The following ARB2A variants were observed in gnomAD, a reference collection of about 807,000 sequenced individuals.
ARB2A encodes ARB2 cotranscriptional regulator A.
At chr5:94,023,942 A>G in the ARB2A span, among the ~76,000 whole-genome samples, 1 of 152,182 alleles carries the variant, frequency 6.6e-6, no homozygotes, top group African/African-American at 2.4e-5. Flanking sequence ...ATAAGACAAG[A>G]TAGAAAGAAA....
At chr5:93,703,912 C>T in the ARB2A span, among the ~76,000 whole-genome samples, 1 of 152,198 alleles carries the variant, frequency 6.6e-6, no homozygotes, top group Non-Finnish European at 1.5e-5. Context: ...AGCACCCTAT[C>T]AGCAGCTCTG....
chr5:93,892,474 TTC>T, the ARB2A span, among the ~76,000 whole-genome samples: 8 of 152,188 alleles, frequency 5.3e-5, no homozygotes, highest in Non-Finnish European at 1.0e-4. Flanking sequence ...TTAATACAAT[TTC>T]TTTTTATAAG....
chr5:93,799,256 T>A, the ARB2A span, among the ~76,000 whole-genome samples: 16 of 152,234 alleles, frequency 1.1e-4, no homozygotes, highest in African/African-American at 3.9e-4. Context: ...GATAATAATT[T>A]ATTTCAATCA....
the ARB2A span, among the ~76,000 whole-genome samples, chr5:93,880,010 G>C: frequency 6.6e-6 from 1 of 151,824 alleles, no homozygotes; most frequent in South Asian, 2.1e-4. Flanking sequence ...AACTGATAGA[G>C]AAGATGGTAA....
the ARB2A span, among the ~76,000 whole-genome samples, chr5:94,090,856 G>C: frequency 6.6e-6 from 1 of 152,134 alleles, no homozygotes; most frequent in Non-Finnish European, 1.5e-5. Context: ...AACCAGCCTT[G>C]CATCCCATAT....
chr5:93,746,702 G>C, the ARB2A span, among the ~76,000 whole-genome samples: 5 of 146,504 alleles, frequency 3.4e-5, no homozygotes, highest in Non-Finnish European at 6.2e-5. Flanking sequence ...TTGCAAATCT[G>C]AGATATTCAT....
chr5:93,689,950 G>A, the ARB2A span, among the ~76,000 whole-genome samples: 2 of 152,100 alleles, frequency 1.3e-5, no homozygotes, highest in Non-Finnish European at 2.9e-5. Flanking sequence ...AAGCCCAAGG[G>A]GTTGAAGAAC....
chr5:93,977,218 A>G, the ARB2A span, among the ~76,000 whole-genome samples: 1 of 152,270 alleles, frequency 6.6e-6, no homozygotes, highest in Admixed American at 6.5e-5. Flanking sequence ...TCAAATTACC[A>G]ATGTCATTTT....
chr5:93,875,680 A>G, the ARB2A span, among the ~76,000 whole-genome samples: 2 of 152,254 alleles, frequency 1.3e-5, no homozygotes, highest in African/African-American at 4.8e-5. Context: ...GTAGAGAAAT[A>G]TAAATGCCTT....
chr5:93,730,496 T>G, the ARB2A span, among the ~76,000 whole-genome samples: 105 of 152,236 alleles, frequency 6.9e-4, 1 homozygote, highest in African/African-American at 2.5e-3. Context: ...TAATGGTTGA[T>G]TATTACAGAA....
chr5:93,797,834 A>C, the ARB2A span, among the ~76,000 whole-genome samples: 1 of 152,098 alleles, frequency 6.6e-6, no homozygotes, highest in African/African-American at 2.4e-5. Flanking sequence ...TTTCAGAAAA[A>C]TTTTACTGAA....
At chr5:94,000,152 G>C in the ARB2A span, among the ~76,000 whole-genome samples, 1 of 152,078 alleles carries the variant, frequency 6.6e-6, no homozygotes, top group African/African-American at 2.4e-5. Flanking sequence ...TCATGTGGAC[G>C]TAAGTTTCAA....
the ARB2A span, among the ~76,000 whole-genome samples, chr5:93,899,310 T>C: frequency 6.6e-6 from 1 of 152,158 alleles, no homozygotes; most frequent in African/African-American, 2.4e-5. Flanking sequence ...TAGAGCAGTA[T>C]GCATGATGTG....
At chr5:94,025,873 G>A in the ARB2A span, among the ~76,000 whole-genome samples, 1 of 152,184 alleles carries the variant, frequency 6.6e-6, no homozygotes, top group South Asian at 2.1e-4. Flanking sequence ...TGCTCTGTCC[G>A]ATCAGACCAC....
chr5:93,957,770 G>A, the ARB2A span, among the ~76,000 whole-genome samples: 1 of 151,988 alleles, frequency 6.6e-6, no homozygotes, highest in Non-Finnish European at 1.5e-5. Flanking sequence ...ACAGAATAGA[G>A]AACATGTTAC....
chr5:94,063,191 C>T, the ARB2A span, among the ~76,000 whole-genome samples: 1 of 151,934 alleles, frequency 6.6e-6, no homozygotes. Context: ...CCTGGCCTGG[C>T]ACACCCCCTA....
the ARB2A span, among the ~76,000 whole-genome samples, chr5:94,027,763 G>A: frequency 2.5e-4 from 38 of 152,116 alleles, no homozygotes; most frequent in Admixed American, 6.5e-4. Context: ...CCTGAATTCC[G>A]TGAGCCACTC....
the ARB2A span, among the ~76,000 whole-genome samples, chr5:94,075,413 T>C: frequency 6.6e-6 from 1 of 152,008 alleles, no homozygotes; most frequent in African/African-American, 2.4e-5. Flanking sequence ...AATCGAATTC[T>C]GCTCTACTTT....
At chr5:93,646,027 A>G in the ARB2A span, among the ~76,000 whole-genome samples, 1 of 152,200 alleles carries the variant, frequency 6.6e-6, no homozygotes, top group African/African-American at 2.4e-5. Flanking sequence ...GACTGTCATA[A>G]TAATACATAA....
Sources: gnomAD v4.1 joint callset for allele counts (sites outside exome capture counted in the v4.1 genomes callset) on GRCh38, gnomAD v4.1.1 for gene constraint, MANE v1.5 for transcripts, NCBI Gene and HGNC (gene_info 2026-07-23, HGNC 2026-07-21) for gene names.